Variants in DNAH1 observed in about 807,000 individuals in gnomAD.
DNAH1 encodes axonemal beta dynein heavy chain 1.
Under a neutral mutation model 484.3 loss-of-function variants are expected in DNAH1, and 327 were observed. That is an observed-to-expected ratio of 0.68 (90% CI 0.62 to 0.74). The LOEUF is 0.74. Among genes scored for constraint, DNAH1 ranks in the 30% least tolerant of loss-of-function variants. The pLI is 0.00. For missense variants in DNAH1, 5,052 were observed against 5,546.8 expected (o/e 0.91, Z 2.83); for synonymous variants, 2,192 against 2,191.9 (o/e 1.00, Z 0.00).
chr3:52,341,038 C>T (rs1160643848), intron 8 of DNAH1, among the ~76,000 whole-genome samples: 1 of 151,908 alleles, frequency 6.6e-6, no homozygotes, highest in African/African-American at 2.4e-5. Flanking sequence ...TCGATATAGC[C>T]ACCTTACCTT....
chr3:52,346,703 T>C lies in DNAH1; in HGVS notation c.1888T>C (p.Cys630Arg). The C allele has an allele frequency of 6.2e-7, 1 of 1,613,948 alleles. No homozygotes were observed. Among genetic ancestry groups the C allele is most frequent in the Non-Finnish European group, 8.5e-7 (1 of 1,179,848 alleles). ...ASFSQFISDT[C>R]CSVLNCTDDM... ...CTTCTCACAGTTCATCAGCGACACC[T>C]GTTGCAGCGTGCTCAACTGCACCGA... The change falls in exon 11 of 78, where the codon TGT (cysteine) becomes CGT (arginine). Residue 630 changes from cysteine to arginine, a missense_variant. Physicochemically the swap from Cys to Arg is radical, Grantham distance 180 (BLOSUM62 -3). Transcript: ENST00000420323.
At chr3:52,393,939 T>C (rs758080931) in intron 66 of DNAH1, among the ~76,000 whole-genome samples, 1 of 152,250 alleles carries the variant, frequency 6.6e-6, no homozygotes, top group Admixed American at 6.5e-5. Flanking sequence ...CCTGGGTTAA[T>C]TGTGCTCCAA....
chr3:52,339,721 A>C (rs372816768), intron 8 of DNAH1, among the ~76,000 whole-genome samples: 3 of 151,940 alleles, frequency 2.0e-5, no homozygotes, highest in African/African-American at 7.3e-5. Context: ...CAAGCTTTCT[A>C]GTTCAAGGGC....
intron 32 of DNAH1, among the ~76,000 whole-genome samples, chr3:52,363,389 AG>A (rs1281176902): frequency 6.6e-6 from 1 of 152,278 alleles, no homozygotes; most frequent in Non-Finnish European, 1.5e-5. Context: ...AGCAGGAGCC[AG>A]GAACAGATGC....
At chr3:52,370,260 C>T in intron 39 of DNAH1, 31 bp downstream of exon 39, 2 of 1,607,290 alleles carry the variant, frequency 1.2e-6, no homozygotes, top group Non-Finnish European at 1.7e-6. Context: ...CTAGATGCAC[C>T]TGGTCCCTCT....
chr3:52,358,223 C>T lies in DNAH1; in HGVS notation c.4086+220C>T, dbSNP rs1289514563. ...TCCAACTCACCAGGCGCTCCCTGTG[C>T]CCCCAGCACACTGCAAAACCCATGA... On this transcript the variant is annotated intron_variant, in intron 24 of 77. Transcript: ENST00000420323. The surrounding 1 kb of genome is among the most constrained non-coding windows in gnomAD (Gnocchi z 4.2). Among the ~76,000 whole-genome samples the T allele has an allele frequency of 6.6e-6, 1 of 152,248 alleles. No homozygotes were observed. Among genetic ancestry groups the T allele is most frequent in the African/African-American group, 2.4e-5 (1 of 41,466 alleles).
chr3:52,351,888 G>A, intron 16 of DNAH1, 74 bp from the exon 17 acceptor site: 1 of 1,530,076 alleles, frequency 6.5e-7, no homozygotes, highest in Non-Finnish European at 8.8e-7. Context: ...CTGGTGGGAT[G>A]CCCCTGCCTG....
rs897307775 is a variant in DNAH1, at chr3:52,395,390, C to T, written c.11051C>T (p.Ala3684Val). Residue 3684 changes from alanine (A) to valine (V), a missense_variant, in exon 69 of 78, where the codon GCT becomes GTT. By Grantham distance (64) the Ala-to-Val change is moderately conservative. Around this residue, in one of 4 missense-constraint regions of DNAH1, gnomAD observed 853 missense variants for 899.0 expected, o/e 0.95. Transcript: ENST00000420323. The surrounding 1 kb of genome is among the most constrained non-coding windows in gnomAD (Gnocchi z 4.4). Reference sequence around the variant, plus strand: ...GTGCTGTCACCCGGCACAGACCCTGCTGCCGACCTCTACAAGTTTGCCGAA... The same window carrying T: ...GTGCTGTCACCCGGCACAGACCCTGTTGCCGACCTCTACAAGTTTGCCGAA... ...IFVLSPGTDP[A>V]ADLYKFAEEM... The T allele has an allele frequency of 3.7e-6, 6 of 1,613,868 alleles. No homozygotes were observed. The highest frequency in any genetic ancestry group is 5.1e-6 in the Non-Finnish European group (6 of 1,179,866).
chr3:52,326,072 T>C (rs1367968036), intron 3 of DNAH1, 68 bp from the exon 4 acceptor site: 2 of 1,370,524 alleles, frequency 1.5e-6, no homozygotes, highest in Non-Finnish European at 1.9e-6. Flanking sequence ...ATTTATTTTA[T>C]GGGGTGGAGG....
Position 52,368,301 on chromosome 3 carries a change from A to G in DNAH1, c.5766-440A>G, listed in dbSNP as rs1703168553. ...AGCCTAAGGCTGGACCAAGCACAGC[A>G]TCTTCATCAGCCCTACCAGCCCCTT... On this transcript the variant is annotated intron_variant, in intron 36 of 77. Coordinates refer to ENST00000420323, the MANE Select transcript of DNAH1 (RefSeq NM_015512.5). This position sits in a 1 kb window ranked among gnomAD's most constrained non-coding sequence, Gnocchi z 4.4. Among the ~76,000 whole-genome samples, 1 of 152,170 alleles carries G rather than the reference A, an allele frequency of 6.6e-6. No individual in the cohort carries two copies. Among genetic ancestry groups the G allele is most frequent in the South Asian group, 2.1e-4 (1 of 4,836 alleles).
At chr3:52,311,320 A>G (rs1578043077), upstream of DNAH1, among the ~76,000 whole-genome samples, 1 of 152,204 alleles carries the variant, frequency 6.6e-6, no homozygotes, top group South Asian at 2.1e-4. Context: ...GCTTTGCCCT[A>G]TGCCTCAGTT....
At chr3:52,331,619 C>CTTTTTTTTTT (rs36097098) in intron 7 of DNAH1, among the ~76,000 whole-genome samples, 2 of 111,372 alleles carry the variant, frequency 1.8e-5, no homozygotes, top group Non-Finnish European at 3.8e-5. Context: ...AAATACTTTT[C>CTTTTTTTTTT]TTTTTTTTTT....
Position 52,393,278 on chromosome 3 carries a change from CG to C in DNAH1, c.10475-52del, listed in dbSNP as rs1012408086. 29 of 1,603,344 alleles carry C rather than the reference CG, an allele frequency of 1.8e-5. No individual in the cohort carries two copies. The African/African-American group carries it at 3.3e-4, about 18-fold the overall frequency. On this transcript the variant is annotated intron_variant, in intron 65 of 77. Coordinates refer to ENST00000420323, the MANE Select transcript of DNAH1 (RefSeq NM_015512.5). ...AGACTGGCTAGGCTGGGCTGGACCC[CG>C]GGGCTCTTCCTTCCTCTCACCTCTC...
At chr3:52,320,226 C>T (rs57441156) in intron 1 of DNAH1, among the ~76,000 whole-genome samples, 6 of 152,076 alleles carry the variant, frequency 3.9e-5, no homozygotes, top group East Asian at 1.9e-4. Context: ...AGCCCCAAGG[C>T]GTCCTCTGTT....
intron 20 of DNAH1, among the ~76,000 whole-genome samples, chr3:52,354,525 C>T (rs1051559465): frequency 5.3e-5 from 8 of 151,628 alleles, no homozygotes; most frequent in East Asian, 1.9e-4. Flanking sequence ...CCCAGCTACT[C>T]GGGAGGCTGA....
chr3:52,380,163 C>A, intron 48 of DNAH1, 28 bp downstream of exon 48: 2 of 1,549,348 alleles, frequency 1.3e-6, no homozygotes, highest in South Asian at 1.2e-5. Flanking sequence ...GCGCCCTGCC[C>A]CTGGTGGGGT....
chr3:52,358,874 C>G lies in DNAH1; in HGVS notation c.4266+137C>G. On this transcript the variant is annotated intron_variant, in intron 25 of 77. Transcript: ENST00000420323. The surrounding 1 kb of genome is among the most constrained non-coding windows in gnomAD (Gnocchi z 4.2). ...GGGGGCTCAGGCGGGATTCTGGAGT[C>G]TTTCCTTTCCACACACACTCCAGAA... is the stretch of plus-strand genomic sequence containing the variant. The G allele has an allele frequency of 9.9e-7, 1 of 1,012,814 alleles. No homozygotes were observed. Among genetic ancestry groups the G allele is most frequent in the Non-Finnish European group, 1.4e-6 (1 of 697,944 alleles). 62.7% of individuals were successfully genotyped at this position (1,012,814 alleles called of 1,614,324 possible).
In DNAH1 at chr3:52,355,015, A is replaced by G; in HGVS notation, c.3653A>G (p.Gln1218Arg). The G allele has an allele frequency of 1.9e-6, 3 of 1,613,960 alleles. No individual in the cohort carries two copies. Among genetic ancestry groups the G allele is most frequent in the Middle Eastern group, 1.6e-4 (1 of 6,062 alleles). The change falls in exon 21 of 78, where the codon CAG becomes CGG. Residue 1218 changes from glutamine to arginine, a missense_variant. Transcript: ENST00000420323. The surrounding 1 kb of genome is among the most constrained non-coding windows in gnomAD (Gnocchi z 4.5). ...SFSPYKKPFEQRINSWENKLK... is the reference protein window; with the variant it reads ...SFSPYKKPFERRINSWENKLK... ...TCACCCTACAAGAAGCCCTTTGAGC[A>G]GCGCATCAACTCCTGGGAGAACAAA...
At chr3:52,335,008 G>A (rs1701686687) in intron 8 of DNAH1, among the ~76,000 whole-genome samples, 1 of 151,878 alleles carries the variant, frequency 6.6e-6, no homozygotes, top group African/African-American at 2.4e-5. Context: ...CACCATGTTC[G>A]CCAGGATGGT....
Sources: allele counts gnomAD v4.1 joint callset (sites outside exome capture counted in the v4.1 genomes callset), GRCh38; gene constraint gnomAD v4.1.1; regional missense constraint gnomAD v4.1.1; non-coding constraint Gnocchi (gnomAD v3.1); transcripts MANE v1.5; gene names NCBI Gene and HGNC (gene_info 2026-07-23, HGNC 2026-07-21).